DRD2: variants seen among roughly 807,000 people sequenced by gnomAD.
DRD2 encodes the protein D(2) dopamine receptor.
Under a neutral mutation model 38.0 loss-of-function variants are expected in DRD2, and 8 were observed. The observed-to-expected ratio is 0.21, with a 90% confidence interval of 0.12 to 0.38. DRD2 has a LOEUF of 0.38. Among genes scored for constraint, DRD2 ranks in the 10% least tolerant of loss-of-function variants. The pLI is 1.00. For missense variants in DRD2, 403 were observed against 607.7 expected (o/e 0.66, Z 3.54); for synonymous variants, 230 against 238.6 (o/e 0.96, Z 0.33).
intron 1 of DRD2, among the ~76,000 whole-genome samples, chr11:113,432,805 G>C (rs1414444699): frequency 6.6e-6 from 1 of 152,178 alleles, no homozygotes; most frequent in East Asian, 1.9e-4. Context: ...CCTTCTTTTA[G>C]CATCTCTTGC....
intron 6 of DRD2, chr11:113,414,060 G>T: frequency 2.5e-6 from 1 of 393,836 alleles, no homozygotes; most frequent in Admixed American, 3.6e-5. Flanking sequence ...TACCTCCCGG[G>T]GTCGTGGTGA....
At position 113,444,586 on chromosome 11, in the gene DRD2, T is replaced by C. The variant is rs1951125515; in HGVS notation, c.-31-19904A>G. Among the ~76,000 whole-genome samples the C allele has an allele frequency of 3.3e-5, 5 of 152,206 alleles. No individual in the cohort carries two copies. In the South Asian group the frequency reaches 1.0e-3, roughly 32 times the overall value. On this transcript the variant is annotated intron_variant, in intron 1 of 7. Coordinates refer to ENST00000362072, the MANE Select transcript of DRD2 (RefSeq NM_000795.4). ...CGGGGCTGTATGTTCCTTGAGGAAA[T>C]TACATGGCTTACACATCCACAACCT...
intron 6 of DRD2, chr11:113,414,129 T>G: frequency 3.5e-6 from 2 of 563,522 alleles, no homozygotes; most frequent in Non-Finnish European, 6.4e-6. Context: ...TAGCCATTAT[T>G]ATCATTTTTA....
intron 1 of DRD2, among the ~76,000 whole-genome samples, chr11:113,443,947 A>T (rs913484526): frequency 3.3e-5 from 5 of 152,214 alleles, no homozygotes; most frequent in African/African-American, 1.2e-4. Flanking sequence ...AAACTAAAAA[A>T]AACTGGAAGC....
intron 1 of DRD2, among the ~76,000 whole-genome samples, chr11:113,443,974 T>C (rs182671927): frequency 7.3e-4 from 111 of 152,360 alleles, no homozygotes; most frequent in African/African-American, 2.1e-3. Context: ...TAAAGTACTA[T>C]GGGCACACTT....
At chr11:113,463,560 T>C (rs1456835505) in intron 1 of DRD2, among the ~76,000 whole-genome samples, 18 of 152,376 alleles carry the variant, frequency 1.2e-4, no homozygotes, top group African/African-American at 2.4e-5. Context: ...TGGAGGAGCA[T>C]TCCAGCCTGC....
chr11:113,448,815 C>T (rs537712526), intron 1 of DRD2, among the ~76,000 whole-genome samples: 5 of 152,080 alleles, frequency 3.3e-5, no homozygotes, highest in Admixed American at 1.3e-4. Flanking sequence ...ACTGGGCCTG[C>T]GAAGAGGAGA....
At chr11:113,431,050 C>T (rs1208253716) in intron 1 of DRD2, among the ~76,000 whole-genome samples, 2 of 152,210 alleles carry the variant, frequency 1.3e-5, no homozygotes, top group African/African-American at 2.4e-5. Context: ...TTGCTCACCA[C>T]CCTCCAAATG....
chr11:113,414,732 G>A (rs1004846977), intron 5 of DRD2, among the ~76,000 whole-genome samples: 2 of 152,228 alleles, frequency 1.3e-5, no homozygotes, highest in East Asian at 1.9e-4. Context: ...CCCTTCTCAC[G>A]TGGAATCCTC....
chr11:113,429,997 AC>A (rs1950971848), intron 1 of DRD2, among the ~76,000 whole-genome samples: 1 of 152,246 alleles, frequency 6.6e-6, no homozygotes, highest in Non-Finnish European at 1.5e-5. Flanking sequence ...AAGCAATCAG[AC>A]CACAAGCCAA....
rs1950802360 is a variant in DRD2 at position 113,414,471 on chromosome 11, G to A, written c.724-10C>T. The A allele has an allele frequency of 6.2e-7, 1 of 1,614,114 alleles. No individual in the cohort carries two copies. The highest frequency in any genetic ancestry group is 8.5e-7 in the Non-Finnish European group (1 of 1,180,020). On this transcript the variant is annotated splice_polypyrimidine_tract_variant and intron_variant, in intron 5 of 7. Transcript: ENST00000362072. Reference sequence around the variant, plus strand: ...GGTGAGTACAGTTGCCCTGTGGAGTGAGCCAGCACATGGGTCACACAAAGT... The same window carrying A: ...GGTGAGTACAGTTGCCCTGTGGAGTAAGCCAGCACATGGGTCACACAAAGT...
At chr11:113,438,206 A>G (rs1043027511) in intron 1 of DRD2, among the ~76,000 whole-genome samples, 1 of 151,788 alleles carries the variant, frequency 6.6e-6, no homozygotes, top group Admixed American at 6.6e-5. Flanking sequence ...TTTTTTTTTA[A>G]TCAGACAGAC....
At chr11:113,468,268 A>T (rs531735003) in intron 1 of DRD2, among the ~76,000 whole-genome samples, 35 of 152,334 alleles carry the variant, frequency 2.3e-4, no homozygotes, top group Middle Eastern at 6.8e-3. Flanking sequence ...TGGAAGTCTA[A>T]TTCCAGAGCC....
rs192451225 is a variant in DRD2, at chr11:113,441,323, T to C, written c.-31-16641A>G. 3.3e-3 allele frequency among the ~76,000 whole-genome samples: 499 copies of C among 152,230 alleles called. 4 individuals are homozygous for C. Among genetic ancestry groups the C allele is most frequent in the African/African-American group, 0.012 (479 of 41,528 alleles). On this transcript the variant is annotated intron_variant, in intron 1 of 7. Coordinates refer to ENST00000362072, the MANE Select transcript of DRD2 (RefSeq NM_000795.4). ...AAGGCTGCCTACTACACAGCTAGTC[T>C]CCAACAGCCCAGCAATGGAGAGTTG...
chr11:113,454,167 A>G (rs995600286), intron 1 of DRD2, among the ~76,000 whole-genome samples: 5 of 152,164 alleles, frequency 3.3e-5, no homozygotes, highest in African/African-American at 1.2e-4. Context: ...AAATTAGAGC[A>G]TTATTATTTT....
At chr11:113,455,357 A>G (rs1014740720) in intron 1 of DRD2, among the ~76,000 whole-genome samples, 1 of 152,138 alleles carries the variant, frequency 6.6e-6, no homozygotes, top group African/African-American at 2.4e-5. Context: ...GCAAGACTCC[A>G]TCTCAAAAAA....
chr11:113,414,353 G>C, intron 6 of DRD2, 22 bp downstream of exon 6: 1 of 1,609,376 alleles, frequency 6.2e-7, no homozygotes, highest in African/African-American at 1.3e-5. Flanking sequence ...CCTGGCTCTG[G>C]GTCCCTGGCC....
At chr11:113,442,249 T>C (rs1951102167) in intron 1 of DRD2, among the ~76,000 whole-genome samples, 1 of 152,122 alleles carries the variant, frequency 6.6e-6, no homozygotes, top group Non-Finnish European at 1.5e-5. Flanking sequence ...TTTACCACAA[T>C]CCCCAGCCAT....
intron 1 of DRD2, among the ~76,000 whole-genome samples, chr11:113,440,600 G>C (rs1951080794): frequency 1.3e-5 from 2 of 152,236 alleles, no homozygotes; most frequent in South Asian, 4.1e-4. Flanking sequence ...TGCTTCATTA[G>C]ATATGAAGAT....
Sources: gnomAD v4.1 joint callset for allele counts (sites outside exome capture counted in the v4.1 genomes callset) on GRCh38, gnomAD v4.1.1 for gene constraint, MANE v1.5 for transcripts, NCBI Gene and HGNC (gene_info 2026-07-23, HGNC 2026-07-21) for gene names.